MYT1L: variants seen among roughly 807,000 people sequenced by gnomAD.
MYT1L encodes myelin transcription factor 1 like, also known as myelin transcription factor 1-like protein.
MYT1L carries 12 observed loss-of-function variants against 126.7 expected under a neutral mutation model. The ratio of observed to expected loss-of-function variants is 0.09; its 90% CI spans 0.06 to 0.15. The LOEUF (loss-of-function observed/expected upper bound fraction) is 0.15. Ranked by LOEUF, MYT1L falls within the 10% of genes least tolerant of loss-of-function variation. The pLI is 1.00. For missense variants in MYT1L, 979 were observed against 1,585.2 expected (o/e 0.62, Z 6.49); for synonymous variants, 541 against 604.2 (o/e 0.90, Z 1.53).
intron 4 of MYT1L, among the ~76,000 whole-genome samples, chr2:2,050,036 G>A (rs1309967434): frequency 1.3e-5 from 2 of 152,118 alleles, no homozygotes; most frequent in East Asian, 1.9e-4. Flanking sequence ...GACATGGTGA[G>A]TGGCACTTTT....
intron 3 of MYT1L, among the ~76,000 whole-genome samples, chr2:2,097,135 C>A (rs1453980753): frequency 2.0e-5 from 3 of 152,134 alleles, no homozygotes; most frequent in African/African-American, 7.2e-5. Flanking sequence ...TGCTTTAAAC[C>A]CAGTGTTCAT....
At chr2:1,818,847 T>G (rs1403742806) in intron 21 of MYT1L, among the ~76,000 whole-genome samples, 1 of 152,190 alleles carries the variant, frequency 6.6e-6, no homozygotes, top group African/African-American at 2.4e-5. Context: ...AAATATTCTG[T>G]GCCAAACAGG....
intron 21 of MYT1L, among the ~76,000 whole-genome samples, chr2:1,819,139 C>T (rs1376988000): frequency 6.6e-6 from 1 of 152,220 alleles, no homozygotes; most frequent in Non-Finnish European, 1.5e-5. Flanking sequence ...CACCTGCCTC[C>T]TGCCCAAGGG....
rs74413611 is a variant in MYT1L, at chr2:1,823,129, G to A, written c.3081-13962C>T. Reference sequence around the variant, plus strand: ...TGCCCTAAGCTCCTCAAATGGCATCGACACGTGGGAGGAAAAGATCCTCAA... The same window carrying A: ...TGCCCTAAGCTCCTCAAATGGCATCAACACGTGGGAGGAAAAGATCCTCAA... On this transcript the variant is annotated intron_variant, in intron 21 of 24. Transcript: ENST00000647738. Among the ~76,000 whole-genome samples, 1,246 of 152,198 alleles carry A rather than the reference G, an allele frequency of 8.2e-3. 15 individuals carry two copies. Among genetic ancestry groups the A allele is most frequent in the African/African-American group, 0.029 (1,185 of 41,528 alleles).
intron 3 of MYT1L, among the ~76,000 whole-genome samples, chr2:2,141,818 T>C (rs1479417126): frequency 6.6e-6 from 1 of 152,084 alleles, no homozygotes; most frequent in Admixed American, 6.6e-5. Context: ...AGAGCTGGAG[T>C]AAAACCTTAG....
rs546313453 is a variant in MYT1L, at chr2:1,928,192, G to A, written c.506-4929C>T. 7.2e-5 allele frequency among the ~76,000 whole-genome samples: 11 copies of A among 152,218 alleles called. No individual in the cohort carries two copies. In the East Asian group the frequency reaches 1.2e-3, roughly 16 times the overall value. Reference sequence around the variant, plus strand: ...CGTCTCAAAGTGATCTGCCTGCCTCGGCCTCCCATAGTGCTGGAATTACAG... The same window carrying A: ...CGTCTCAAAGTGATCTGCCTGCCTCAGCCTCCCATAGTGCTGGAATTACAG... On this transcript the variant is annotated intron_variant, in intron 9 of 24. Coordinates refer to ENST00000647738, the MANE Select transcript of MYT1L (RefSeq NM_001303052.2).
Position 1,889,571 on chromosome 2 carries a change from T to C in MYT1L, c.2284-94A>G, listed in dbSNP as rs762874501. The C allele has an allele frequency of 1.7e-5, 18 of 1,032,734 alleles. No homozygotes were observed. The highest frequency in any genetic ancestry group is 2.1e-5 in the Non-Finnish European group (15 of 717,112). The allele number at this position is 1,032,734 out of a possible 1,614,324, so 64.0% of individuals were successfully genotyped here. ...AGATTACAGTCCTGCCGTCAGCCAG[T>C]GTAGCGTTCAACACAGAATCCCTCG... On this transcript the variant is annotated intron_variant, in intron 15 of 24. Coordinates refer to ENST00000647738, the MANE Select transcript of MYT1L (RefSeq NM_001303052.2). The surrounding 1 kb of genome is among the most constrained non-coding windows in gnomAD (Gnocchi z 4.1).
In MYT1L at chr2:1,917,457, A is replaced by T. The variant is rs1168063457; in HGVS notation, c.1484-118T>A. On this transcript the variant is annotated intron_variant, in intron 10 of 24. Transcript: ENST00000647738. The surrounding 1 kb of genome is among the most constrained non-coding windows in gnomAD (Gnocchi z 5.9). ...AGAAATAAAGCAGGTGTCGGGGGCT[A>T]GGCTGTGACATCAGACTTTTGCTTA... The T allele has an allele frequency of 1.6e-6, 2 of 1,224,022 alleles. No individual in the cohort carries two copies. Among genetic ancestry groups the T allele is most frequent in the African/African-American group, 3.0e-5 (2 of 66,188 alleles). The allele number at this position is 1,224,022 out of a possible 1,614,324, so 75.8% of individuals were successfully genotyped here.
intron 3 of MYT1L, among the ~76,000 whole-genome samples, chr2:2,165,036 C>T (rs946590507): frequency 1.3e-5 from 2 of 152,148 alleles, no homozygotes; most frequent in African/African-American, 4.8e-5. Flanking sequence ...TCAAGGCCTG[C>T]CAGCTGCTTT....
At chr2:1,936,217 C>T (rs140176253) in intron 9 of MYT1L, among the ~76,000 whole-genome samples, 1,621 of 152,338 alleles carry the variant, frequency 0.011, 15 homozygotes, top group Middle Eastern at 0.024. Flanking sequence ...GCCACCACAC[C>T]CGTCCTCTAC....
At chr2:1,866,320 C>G (rs1003722481) in intron 18 of MYT1L, among the ~76,000 whole-genome samples, 2 of 152,104 alleles carry the variant, frequency 1.3e-5, no homozygotes, top group South Asian at 4.1e-4. Context: ...CCTCTGGCCC[C>G]GTCGCCTGCT....
At chr2:2,199,851 C>T (rs1481423792) in intron 2 of MYT1L, among the ~76,000 whole-genome samples, 1 of 152,176 alleles carries the variant, frequency 6.6e-6, no homozygotes, top group East Asian at 1.9e-4. Context: ...CACACAGTAC[C>T]CCTCACGGAG....
intron 3 of MYT1L, among the ~76,000 whole-genome samples, chr2:2,099,420 T>C (rs991655533): frequency 4.6e-5 from 7 of 152,130 alleles, no homozygotes; most frequent in African/African-American, 1.4e-4. Context: ...TAAAAGTTTC[T>C]GAAAGGCTCA....
intron 8 of MYT1L, among the ~76,000 whole-genome samples, chr2:1,954,315 T>C (rs893219453): frequency 2.6e-5 from 4 of 152,180 alleles, no homozygotes; most frequent in Non-Finnish European, 4.4e-5. Context: ...GCTCCAGCCA[T>C]GGCCACTGCC....
chr2:1,825,181 C>CAGGGCTG (rs982649817), intron 21 of MYT1L: 8 of 152,190 alleles, frequency 5.3e-5, no homozygotes, highest in African/African-American at 1.7e-4. Context: ...AGAGAGGCCT[C>CAGGGCTG]AGGGCTGGGA....
intron 3 of MYT1L, among the ~76,000 whole-genome samples, chr2:2,063,427 C>T (rs115443735): frequency 0.032 from 4,929 of 152,238 alleles, 132 homozygotes; most frequent in Non-Finnish European, 0.05. Context: ...TGGGCGGGGC[C>T]TTCTGACCTG....
intron 21 of MYT1L, among the ~76,000 whole-genome samples, chr2:1,837,748 C>T (rs2041103437): frequency 6.6e-6 from 1 of 151,978 alleles, no homozygotes; most frequent in Non-Finnish European, 1.5e-5. Context: ...GCAGCTGAGG[C>T]CCCTGTCCTC....
chr2:2,254,386 C>T (rs73913282), intron 2 of MYT1L, among the ~76,000 whole-genome samples: 2,440 of 152,216 alleles, frequency 0.016, 65 homozygotes, highest in African/African-American at 0.056. Flanking sequence ...ACAGGATCTC[C>T]GGGAGGCCTG....
chr2:2,158,744 A>G (rs1347009104), intron 3 of MYT1L, among the ~76,000 whole-genome samples: 4 of 152,058 alleles, frequency 2.6e-5, no homozygotes, highest in Non-Finnish European at 5.9e-5. Context: ...AATTGGATAT[A>G]AAGACCTTAA....
Sources: allele counts gnomAD v4.1 joint callset (sites outside exome capture counted in the v4.1 genomes callset), GRCh38; gene constraint gnomAD v4.1.1; non-coding constraint Gnocchi (gnomAD v3.1); transcripts MANE v1.5; gene names NCBI Gene and HGNC (gene_info 2026-07-23, HGNC 2026-07-21).